TMC2: variants seen among roughly 807,000 people sequenced by gnomAD.
TMC2 encodes the protein transmembrane channel like 2, also known as transmembrane channel-like protein 2.
In TMC2, 102 loss-of-function variants were observed where a neutral mutation model predicts 105.9. The ratio of observed to expected loss-of-function variants is 0.96; its 90% CI spans 0.82 to 1.14. TMC2 has a LOEUF of 1.14. Among genes scored for constraint, TMC2 ranks in the 50% most tolerant of loss-of-function variants. The pLI, the probability that TMC2 is intolerant of heterozygous loss-of-function variation, is 0.00. For synonymous variants in TMC2, 402 were observed against 422.8 expected (o/e 0.95, Z 0.60); for missense variants, 1,093 against 1,134.3 (o/e 0.96, Z 0.52).
At chr20:2,607,461 C>T (rs1459652533) in intron 11 of TMC2, among the ~76,000 whole-genome samples, 1 of 152,218 alleles carries the variant, frequency 6.6e-6, no homozygotes, top group East Asian at 1.9e-4. Flanking sequence ...GAGGCCCAGG[C>T]TGTTTTAGCT....
At chr20:2,557,350 C>A (rs371895403) in intron 2 of TMC2, among the ~76,000 whole-genome samples, 4 of 152,094 alleles carry the variant, frequency 2.6e-5, no homozygotes, top group Non-Finnish European at 5.9e-5. Context: ...TTGACTGTGA[C>A]CAGTCTACTA....
rs750496572 is a variant in TMC2 at position 2,589,270 on chromosome 20, C to CTGTGTGTGTGTGTGTGTGTGTG, written c.835-3007_835-2986dup. Among the ~76,000 whole-genome samples, 439 of 116,274 alleles carry CTGTGTGTGTGTGTGTGTGTGTG rather than the reference C, an allele frequency of 3.8e-3. 18 individuals carry two copies. Among genetic ancestry groups the CTGTGTGTGTGTGTGTGTGTGTG allele is most frequent in the East Asian group, 0.014 (48 of 3,354 alleles). 76.3% of individuals were successfully genotyped at this position (116,274 alleles called of 152,430 possible). On this transcript the variant is annotated intron_variant, in intron 7 of 19. Coordinates refer to ENST00000358864, the MANE Select transcript of TMC2 (RefSeq NM_080751.3). Reference sequence around the variant, plus strand: ...TTTTCCAGATATCTTCCTATTTGCCCTGTGTGTGTGTGTGTGTGTGTGTGT... The same window carrying CTGTGTGTGTGTGTGTGTGTGTG: ...TTTTCCAGATATCTTCCTATTTGCCCTGTGTGTGTGTGTGTGTGTGTGTGTGTGTGTGTGTGTGTGTGTGTGT...
rs1331722575 is a variant in TMC2 at position 2,558,624 on chromosome 20, G to C, written c.251G>C (p.Gly84Ala). ...CGCAGGAGACACAGAGAAGAGCTGG[G>C]GGAGCAGGAGCGGGGCGAGGCAGAG... is the stretch of plus-strand genomic sequence containing the variant. ...TGRRRHREELGEQERGEAERT... is the reference protein window; with the variant it reads ...TGRRRHREELAEQERGEAERT... The change falls in exon 3 of 20, where the codon GGG becomes GCG. Residue 84 changes from glycine to alanine, a missense_variant. By Grantham distance (60) the Gly-to-Ala change is moderately conservative (BLOSUM62 0). Transcript: ENST00000358864. This position sits in a 1 kb window ranked among gnomAD's most constrained non-coding sequence, Gnocchi z 4.6. The C allele has an allele frequency of 5.1e-6, 8 of 1,563,966 alleles. No homozygotes were observed. Among genetic ancestry groups the C allele is most frequent in the African/African-American group, 1.4e-5 (1 of 73,750 alleles).
chr20:2,575,924 C>A (rs2086141211), intron 5 of TMC2, among the ~76,000 whole-genome samples: 1 of 152,074 alleles, frequency 6.6e-6, no homozygotes, highest in African/African-American at 2.4e-5. Context: ...CATCTGTATT[C>A]TTTTCAAATT....
intron 10 of TMC2, 111 bp downstream of exon 10, chr20:2,597,409 C>T (rs2086316737): frequency 1.2e-5 from 13 of 1,124,844 alleles, no homozygotes; most frequent in Non-Finnish European, 1.6e-5. Context: ...TAATTTGTGG[C>T]AAGAGCCTTC....
Position 2,558,277 on chromosome 20 carries a change from C to T in TMC2, c.83-179C>T. The stretch of plus-strand genomic sequence containing the variant: ...CCTGCTTCTGCAGTTTTCTTAGTTT[C>T]CTTCAGCTTAAAATACTCAACATGC... On this transcript the variant is annotated intron_variant, in intron 2 of 19. Coordinates refer to ENST00000358864, the MANE Select transcript of TMC2 (RefSeq NM_080751.3). The surrounding 1 kb of genome is among the most constrained non-coding windows in gnomAD (Gnocchi z 4.6). The T allele has an allele frequency of 7.1e-7, 1 of 1,414,990 alleles. No homozygotes were observed. Among genetic ancestry groups the T allele is most frequent in the Non-Finnish European group, 9.3e-7 (1 of 1,072,908 alleles). 87.7% of individuals were successfully genotyped at this position (1,414,990 alleles called of 1,614,324 possible). A position where few individuals can be genotyped will look rare whatever the true frequency, so the allele number is the denominator to read the frequency against.
At chr20:2,612,428 T>C in intron 13 of TMC2, 88 bp downstream of exon 13, 2 of 1,287,122 alleles carry the variant, frequency 1.6e-6, no homozygotes, top group Non-Finnish European at 2.1e-6. Context: ...GGAATAACCC[T>C]GAAAACTTAC....
chr20:2,618,220 A>C (rs2086499311), intron 16 of TMC2: 1 of 152,790 alleles, frequency 6.5e-6, no homozygotes, highest in Non-Finnish European at 1.5e-5. Context: ...TACCTCCATG[A>C]GATCCACTTT....
In TMC2 at chr20:2,612,189, AG is replaced by A; in HGVS notation, c.1594-1del. The A allele has an allele frequency of 6.3e-7, 1 of 1,594,014 alleles. No homozygotes were observed. The highest frequency in any genetic ancestry group is 8.6e-7 in the Non-Finnish European group (1 of 1,165,676). On this transcript the variant is annotated splice_acceptor_variant, in intron 12 of 19. Transcript: ENST00000358864. LOFTEE classifies it high-confidence loss of function. ...ACCCCACACCTCCATCTTCTGTTCT[AG>A]CTTGCTAATGAAGAGACAATAAAGA...
intron 10 of TMC2, among the ~76,000 whole-genome samples, chr20:2,600,349 A>T (rs2086341364): frequency 6.6e-6 from 1 of 152,180 alleles, no homozygotes; most frequent in African/African-American, 2.4e-5. Flanking sequence ...AATAATCAAA[A>T]ATCAATTTTT....
intron 12 of TMC2, among the ~76,000 whole-genome samples, chr20:2,611,829 AATGGATGG>A (rs556611452): frequency 4.5e-5 from 5 of 111,430 alleles, no homozygotes; most frequent in Non-Finnish European, 8.7e-5. Context: ...TAGATGGATG[AATGGATGG>A]ATGGATGGAT....
chr20:2,615,315 C>A (rs1451931600), intron 14 of TMC2, among the ~76,000 whole-genome samples: 1 of 152,288 alleles, frequency 6.6e-6, no homozygotes, highest in East Asian at 1.9e-4. Flanking sequence ...AGCGAGACTC[C>A]GTCTCAATAA....
At chr20:2,549,444 T>G (rs567806271) in intron 2 of TMC2, among the ~76,000 whole-genome samples, 16 of 152,334 alleles carry the variant, frequency 1.1e-4, no homozygotes, top group African/African-American at 2.6e-4. Context: ...TTTGACTTTT[T>G]TAAAAAATAT....
At chr20:2,614,692 C>A (rs2086467189) in intron 14 of TMC2, among the ~76,000 whole-genome samples, 1 of 151,868 alleles carries the variant, frequency 6.6e-6, no homozygotes, top group Non-Finnish European at 1.5e-5. Context: ...GAAAATAGAC[C>A]AACATGTCAA....
intron 14 of TMC2, 136 bp downstream of exon 14, chr20:2,613,458 G>A (rs2086458429): frequency 3.0e-6 from 4 of 1,316,554 alleles, no homozygotes; most frequent in Non-Finnish European, 4.3e-6. Context: ...GAGTAGTAAA[G>A]TGTTTAATTT....
chr20:2,601,046 A>AC (rs144759808), intron 10 of TMC2, among the ~76,000 whole-genome samples: 3,935 of 152,092 alleles, frequency 0.026, 181 homozygotes, highest in African/African-American at 0.087. Context: ...TCCAAAAAAA[A>AC]CCCATAAAAT....
chr20:2,602,695 T>C (rs746729443), intron 11 of TMC2, among the ~76,000 whole-genome samples: 9 of 152,278 alleles, frequency 5.9e-5, no homozygotes, highest in Non-Finnish European at 1.0e-4. Flanking sequence ...TGATATACTA[T>C]GCATTTACAC....
At chr20:2,622,686 A>G (rs2086534105) in intron 16 of TMC2, among the ~76,000 whole-genome samples, 1 of 152,140 alleles carries the variant, frequency 6.6e-6, no homozygotes, top group South Asian at 2.1e-4. Flanking sequence ...GTCTCAAAAA[A>G]AAAAGAAAGA....
At chr20:2,543,934 G>A (rs2085907560) in intron 2 of TMC2, among the ~76,000 whole-genome samples, 2 of 141,520 alleles carry the variant, frequency 1.4e-5, no homozygotes, top group African/African-American at 2.7e-5. Flanking sequence ...ACAGAGTCTC[G>A]CTCTGTCACC....
Sources: allele counts gnomAD v4.1 joint callset (sites outside exome capture counted in the v4.1 genomes callset), GRCh38; gene constraint gnomAD v4.1.1; non-coding constraint Gnocchi (gnomAD v3.1); transcripts MANE v1.5; gene names NCBI Gene and HGNC (gene_info 2026-07-23, HGNC 2026-07-21).